The following SLC1A4 variants were observed in gnomAD, a reference collection of about 807,000 sequenced individuals.
SLC1A4 encodes the protein solute carrier family 1 member 4, also known as neutral amino acid transporter A.
In SLC1A4, 19 loss-of-function variants were observed where a neutral mutation model predicts 37.7. The ratio of observed to expected loss-of-function variants is 0.50; its 90% confidence interval spans 0.35 to 0.74. The LOEUF is 0.74. Ranked by LOEUF, SLC1A4 falls within the 30% of genes least tolerant of loss-of-function variation. The pLI is 0.01. For synonymous variants in SLC1A4, 299 were observed against 309.8 expected, an observed-to-expected ratio of 0.97 and a Z score of 0.37; for missense variants, 570 against 712.9, an observed-to-expected ratio of 0.80 and a Z score of 2.28.
rs1674491116 is a variant in SLC1A4 at position 65,023,114 on chromosome 2, G to GCACGGTTCCT, written c.*1968_*1969insCACGGTTCCT. The GCACGGTTCCT allele has an allele frequency of 6.6e-6, 1 of 152,246 alleles. No homozygotes were observed. The highest frequency in any genetic ancestry group is 6.5e-5 in the Admixed American group (1 of 15,282). The allele number at this position is 152,246 out of a possible 1,614,324, so 9.4% of individuals were successfully genotyped here. A position where few individuals can be genotyped will look rare whatever the true frequency, so the allele number is the denominator to read the frequency against. ...TCTCCTGTGAAGCCAAAAGGGACCA[G>GCACGGTTCCT]GAACCGTGCAAAGGAAACTGGAAAC... is the stretch of plus-strand genomic sequence containing the variant. On this transcript the variant is annotated 3_prime_UTR_variant, in exon 8 of 8. Coordinates refer to ENST00000234256, the MANE Select transcript of SLC1A4 (RefSeq NM_003038.5).
At chr2:64,991,881 G>A (rs1673075163) in intron 1 of SLC1A4, among the ~76,000 whole-genome samples, 1 of 152,154 alleles carries the variant, frequency 6.6e-6, no homozygotes, top group Non-Finnish European at 1.5e-5. Flanking sequence ...GATTACAGGT[G>A]TGAGCCACCC....
At chr2:64,991,021 C>T (rs375732348) in intron 1 of SLC1A4, among the ~76,000 whole-genome samples, 56 of 152,284 alleles carry the variant, frequency 3.7e-4, no homozygotes, top group East Asian at 1.7e-3. Flanking sequence ...AACTGCAGCC[C>T]GGAGGCATTT....
At chr2:65,019,821 T>C (rs1338718653) in intron 7 of SLC1A4, among the ~76,000 whole-genome samples, 5 of 152,176 alleles carry the variant, frequency 3.3e-5, no homozygotes, top group African/African-American at 1.2e-4. Context: ...AAAGAGGTGC[T>C]TGGCCAGGAA....
intron 3 of SLC1A4, among the ~76,000 whole-genome samples, chr2:65,004,933 C>T (rs755293039): frequency 3.9e-5 from 6 of 152,182 alleles, no homozygotes; most frequent in East Asian, 1.9e-4. Flanking sequence ...TTACCCCAAA[C>T]GCAACAGCTA....
intron 2 of SLC1A4, 23 bp from the exon 3 acceptor site, chr2:65,003,929 GT>G (rs35470885): frequency 0.29 from 464,516 of 1,594,714 alleles, 71,289 homozygotes; most frequent in Non-Finnish European, 0.32. Flanking sequence ...CTAACAGTGG[GT>G]TTTTTTTTCC....
intron 5 of SLC1A4, among the ~76,000 whole-genome samples, chr2:65,017,096 C>T (rs1247063135): frequency 6.6e-6 from 1 of 152,186 alleles, no homozygotes; most frequent in Non-Finnish European, 1.5e-5. Flanking sequence ...AGCCCAGCTG[C>T]GGGTCCCTCA....
chr2:65,012,461 C>T (rs1436801590), intron 4 of SLC1A4, among the ~76,000 whole-genome samples: 2 of 152,138 alleles, frequency 1.3e-5, no homozygotes, highest in East Asian at 1.9e-4. Flanking sequence ...CTGAAAGATC[C>T]CAGAACTTCT....
At chr2:65,001,569 GT>G in intron 2 of SLC1A4, 79 bp downstream of exon 2, 1 of 1,331,124 alleles carries the variant, frequency 7.5e-7, no homozygotes, top group Non-Finnish European at 1.1e-6. Flanking sequence ...GTTAGGTAAG[GT>G]AGAACAGGGA....
At chr2:64,991,890 C>T (rs1259456384) in intron 1 of SLC1A4, among the ~76,000 whole-genome samples, 5 of 152,122 alleles carry the variant, frequency 3.3e-5, no homozygotes, top group African/African-American at 1.2e-4. Context: ...TGTGAGCCAC[C>T]CTGCCTGGCC....
intron 1 of SLC1A4, among the ~76,000 whole-genome samples, chr2:64,992,190 G>T (rs930927363): frequency 2.0e-5 from 3 of 152,210 alleles, no homozygotes; most frequent in Non-Finnish European, 4.4e-5. Context: ...AGGGAGAATG[G>T]ATGTTCAGCT....
Position 64,989,830 on chromosome 2 carries a change from C to A in SLC1A4, c.187C>A (p.Arg63Ser). The A allele has an allele frequency of 6.5e-7, 1 of 1,534,470 alleles. No homozygotes were observed. Reference protein sequence around the residue: ...LAGAGLGAALRGLSLSRTQVT... With the variant: ...LAGAGLGAALSGLSLSRTQVT... ...GGGCGCGGGCCTGGGCGCGGCGTTG[C>A]GCGGGCTCAGCCTGAGCCGCACGCA... Residue 63 changes from arginine to serine, a missense_variant, in exon 1 of 8, where the codon CGC becomes AGC. By Grantham distance (110) the Arg-to-Ser change is moderately radical. Coordinates refer to ENST00000234256, the MANE Select transcript of SLC1A4 (RefSeq NM_003038.5).
intron 2 of SLC1A4, 107 bp downstream of exon 2, chr2:65,001,597 C>A (rs745920649): frequency 5.1e-6 from 5 of 988,098 alleles, no homozygotes; most frequent in Non-Finnish European, 7.7e-6. Flanking sequence ...GTGGTGTTAA[C>A]AAAACTTGGT....
At chr2:64,998,015 C>T (rs1236593674) in intron 1 of SLC1A4, among the ~76,000 whole-genome samples, 3 of 152,006 alleles carry the variant, frequency 2.0e-5, no homozygotes, top group East Asian at 1.9e-4. Flanking sequence ...GGGCAGATCA[C>T]GAGGTCAGGA....
Position 65,016,589 on chromosome 2 carries a change from ATTTT to A in SLC1A4, c.951_954del (p.Tyr317Ter). The stretch of plus-strand genomic sequence containing the variant: ...GGAGGAATTGTTCTGCCACTTATTT[ATTTT>A]GTTTTCACACGAAAAAACCCATTCA... On this transcript the variant is annotated frameshift_variant, in exon 5 of 8. Coordinates refer to ENST00000234256, the MANE Select transcript of SLC1A4 (RefSeq NM_003038.5). LOFTEE classifies it high-confidence loss of function. 6.2e-7 allele frequency: 1 copy of A among 1,614,010 alleles called. No homozygotes were observed. The highest frequency in any genetic ancestry group is 8.5e-7 in the Non-Finnish European group (1 of 1,179,992).
chr2:65,010,803 C>A, intron 4 of SLC1A4, 40 bp downstream of exon 4: 1 of 1,581,014 alleles, frequency 6.3e-7, no homozygotes, highest in South Asian at 1.2e-5. Flanking sequence ...TCTCCTTCCT[C>A]CTGCCATCCA....
Position 65,021,294 on chromosome 2 carries a change from C to T in SLC1A4, c.*148C>T. The T allele has an allele frequency of 1.1e-5, 7 of 642,602 alleles. No homozygotes were observed. Among genetic ancestry groups the T allele is most frequent in the South Asian group, 5.8e-5 (3 of 51,422 alleles). 39.8% of individuals were successfully genotyped at this position (642,602 alleles called of 1,614,324 possible). On this transcript the variant is annotated 3_prime_UTR_variant, in exon 8 of 8. Transcript: ENST00000234256. ...AGTCGCTGGCCTGAGGCTTACCTCT[C>T]GGCACTGGCATTGGGCTCCCCAGCC...
At chr2:65,009,243 C>T (rs551970784) in intron 3 of SLC1A4, among the ~76,000 whole-genome samples, 3 of 152,210 alleles carry the variant, frequency 2.0e-5, no homozygotes, top group Non-Finnish European at 4.4e-5. Context: ...CATGGTGGCG[C>T]ATGCCTGTAA....
upstream of SLC1A4, chr2:64,988,690 C>T (rs931563246): frequency 3.9e-5 from 6 of 152,342 alleles, no homozygotes; most frequent in Non-Finnish European, 8.8e-5. Flanking sequence ...TCCGGTCCGT[C>T]CTTTGTCTCA....
rs1674140773 is a variant in SLC1A4, at chr2:65,016,480, A to T, written c.841A>T (p.Ile281Phe). The T allele has an allele frequency of 6.2e-7, 1 of 1,614,202 alleles. No homozygotes were observed. Among genetic ancestry groups the T allele is most frequent in the African/African-American group, 1.3e-5 (1 of 75,038 alleles). ...VGIMFLVGSK[I>F]VEMKDIIVLV... ...CATCATGTTCCTTGTTGGAAGCAAG[A>T]TCGTGGAAATGAAAGACATCATCGT... Residue 281 changes from isoleucine to phenylalanine, a missense_variant, in exon 5 of 8, where the codon ATC (isoleucine) becomes TTC (phenylalanine). Coordinates refer to ENST00000234256, the MANE Select transcript of SLC1A4 (RefSeq NM_003038.5).
Sources: allele counts gnomAD v4.1 joint callset (sites outside exome capture counted in the v4.1 genomes callset), GRCh38; gene constraint gnomAD v4.1.1; transcripts MANE v1.5; gene names NCBI Gene and HGNC (gene_info 2026-07-23, HGNC 2026-07-21).